Variants in SCN9A observed in about 807,000 individuals in gnomAD.
SCN9A encodes sodium voltage-gated channel alpha subunit 9.
SCN9A carries 131 observed loss-of-function variants against 187.0 expected under a neutral mutation model. That is an observed-to-expected ratio of 0.70 (90% CI 0.61 to 0.81). SCN9A has a LOEUF of 0.81. Ranked by LOEUF, SCN9A falls within the 30% of genes least tolerant of loss-of-function variation. The probability of loss-of-function intolerance (pLI) is 0.00; values close to 1 mark genes in which losing one functional copy is unlikely to be tolerated. For missense variants in SCN9A, 2,252 were observed against 2,396.6 expected, an observed-to-expected ratio of 0.94 and a Z score of 1.26; for synonymous variants, 809 against 808.6, an observed-to-expected ratio of 1.00 and a Z score of -0.01.
At chr2:166,346,752 C>T (rs1463505283) in intron 1 of SCN9A, among the ~76,000 whole-genome samples, 2 of 151,934 alleles carry the variant, frequency 1.3e-5, no homozygotes, top group African/African-American at 2.4e-5. Context: ...CTCTCTAAAG[C>T]GTGGGTTCAG....
chr2:166,210,312 G>C (rs1021919839), intron 24 of SCN9A, among the ~76,000 whole-genome samples: 1 of 151,940 alleles, frequency 6.6e-6, no homozygotes, highest in Non-Finnish European at 1.5e-5. Flanking sequence ...GTTGTGGGGT[G>C]GGGGGAGGAG....
intron 15 of SCN9A, 102 bp downstream of exon 15, chr2:166,278,038 T>G: frequency 1.2e-6 from 1 of 856,792 alleles, no homozygotes; most frequent in Non-Finnish European, 1.8e-6. Flanking sequence ...AGATATAATC[T>G]TGCCTTTTGA....
At chr2:166,231,247 T>A (rs1695070539) in intron 21 of SCN9A, among the ~76,000 whole-genome samples, 1 of 152,214 alleles carries the variant, frequency 6.6e-6, no homozygotes, top group Non-Finnish European at 1.5e-5. Flanking sequence ...TGAATTCTAA[T>A]ACCACCTTTC....
chr2:166,323,011 CT>C (rs1322323709), intron 1 of SCN9A, among the ~76,000 whole-genome samples: 1 of 152,132 alleles, frequency 6.6e-6, no homozygotes, highest in Non-Finnish European at 1.5e-5. Context: ...GCAGAATTTC[CT>C]TTCTTAAGAA....
chr2:166,289,987 T>A (rs188565820), intron 9 of SCN9A, among the ~76,000 whole-genome samples: 37 of 152,294 alleles, frequency 2.4e-4, no homozygotes, highest in African/African-American at 8.9e-4. Flanking sequence ...CTATGGTGGT[T>A]TGCTCCACCT....
Position 166,277,270 on chromosome 2 carries a change from C to G in SCN9A, c.2587G>C (p.Val863Leu), listed in dbSNP as rs913005992. The G allele has an allele frequency of 6.2e-7, 1 of 1,613,976 alleles. No homozygotes were observed. Residue 863 changes from valine to leucine, a missense_variant, in exon 16 of 27, where the codon GTA (valine) becomes CTA (leucine). By Grantham distance (32) the Val-to-Leu change is conservative. This residue lies in a region of SCN9A where 119 missense variants were observed against 188.7 expected (regional missense o/e 0.63). Coordinates refer to ENST00000642356, the MANE Select transcript of SCN9A (RefSeq NM_001365536.1). ...AAGGTGAGGTTACCTAGAGCCCCTA[C>G]TGAGTTACCAATGATCTTAATCAGC... ...NMLIKIIGNS[V>L]GALGNLTLVL...
chr2:166,363,673 G>A (rs535511711), intron 1 of SCN9A, among the ~76,000 whole-genome samples: 10 of 152,070 alleles, frequency 6.6e-5, no homozygotes, highest in Admixed American at 5.2e-4. Flanking sequence ...TAGAGTCTAC[G>A]AATTATATAG....
At chr2:166,253,267 A>G (rs1356887507) in intron 17 of SCN9A, among the ~76,000 whole-genome samples, 1 of 151,856 alleles carries the variant, frequency 6.6e-6, no homozygotes, top group East Asian at 1.9e-4. Context: ...ACTGGAGTAA[A>G]TAATTATGAA....
At chr2:166,347,056 T>C (rs1239140182) in intron 1 of SCN9A, among the ~76,000 whole-genome samples, 3 of 152,200 alleles carry the variant, frequency 2.0e-5, no homozygotes, top group African/African-American at 4.8e-5. Flanking sequence ...TGCTGACATC[T>C]GCCTTGTCCA....
chr2:166,314,170 G>A (rs1699048740), intron 1 of SCN9A, among the ~76,000 whole-genome samples: 2 of 152,156 alleles, frequency 1.3e-5, no homozygotes, highest in South Asian at 4.1e-4. Context: ...GCCAAAGTGT[G>A]ACACAGATGC....
At chr2:166,206,931 G>A (rs1375094384) in intron 24 of SCN9A, among the ~76,000 whole-genome samples, 2 of 151,944 alleles carry the variant, frequency 1.3e-5, no homozygotes, top group East Asian at 3.9e-4. Context: ...CCAAACTGAA[G>A]GACTTTCCAA....
intron 26 of SCN9A, among the ~76,000 whole-genome samples, chr2:166,200,313 A>G (rs527480367): frequency 1.1e-4 from 16 of 151,820 alleles, no homozygotes; most frequent in Admixed American, 9.2e-4. Flanking sequence ...GTTATTTTAT[A>G]CTGAATGCAA....
At chr2:166,217,134 G>A (rs934053707) in intron 24 of SCN9A, among the ~76,000 whole-genome samples, 2 of 152,082 alleles carry the variant, frequency 1.3e-5, no homozygotes, top group African/African-American at 2.4e-5. Flanking sequence ...TCAATAAATG[G>A]TGTTGGGAAA....
intron 1 of SCN9A, among the ~76,000 whole-genome samples, chr2:166,349,790 T>C (rs1699989640): frequency 6.6e-6 from 1 of 151,896 alleles, no homozygotes; most frequent in Non-Finnish European, 1.5e-5. Flanking sequence ...CTGACCAACA[T>C]GGAGAAACCC....
chr2:166,334,746 G>A (rs1236470477), intron 1 of SCN9A, among the ~76,000 whole-genome samples: 1 of 152,116 alleles, frequency 6.6e-6, no homozygotes, highest in Non-Finnish European at 1.5e-5. Context: ...TATTACGGCA[G>A]TAGATTTTGT....
chr2:166,325,681 C>T (rs1255680324), intron 1 of SCN9A, among the ~76,000 whole-genome samples: 1 of 151,984 alleles, frequency 6.6e-6, no homozygotes, highest in Non-Finnish European at 1.5e-5. Context: ...CTTAATGATG[C>T]CGTTAAGGTA....
rs1695591591 is a variant in SCN9A at position 166,242,128 on chromosome 2, GAGCA to G, written c.3627+370_3627+373del. ...ACTAGGGCCAATGAACTTTCTCAAAGAGCAATATATAACATTTTCCCATTTTAAT... is the reference window on the plus strand; with the variant it reads ...ACTAGGGCCAATGAACTTTCTCAAAGATATATAACATTTTCCCATTTTAAT... On this transcript the variant is annotated intron_variant, in intron 19 of 26. Coordinates refer to ENST00000642356, the MANE Select transcript of SCN9A (RefSeq NM_001365536.1). Among the ~76,000 whole-genome samples the G allele has an allele frequency of 2.0e-5, 3 of 152,126 alleles. No individual in the cohort carries two copies. The South Asian group carries it at 6.2e-4, about 31-fold the overall frequency.
chr2:166,211,937 A>G (rs1694114539), intron 24 of SCN9A, among the ~76,000 whole-genome samples: 1 of 152,344 alleles, frequency 6.6e-6, no homozygotes, highest in South Asian at 2.1e-4. Context: ...ATTATTTCAA[A>G]TACAAATGGA....
chr2:166,288,120 T>TATATACACAC (rs56738765), intron 10 of SCN9A, among the ~76,000 whole-genome samples: 19 of 135,562 alleles, frequency 1.4e-4, no homozygotes, highest in Admixed American at 2.2e-4. Context: ...TATATATATA[T>TATATACACAC]ACACACACAT....
Sources: gnomAD v4.1 joint callset for allele counts (sites outside exome capture counted in the v4.1 genomes callset) on GRCh38, gnomAD v4.1.1 for gene constraint, gnomAD v4.1.1 regional missense constraint, MANE v1.5 for transcripts, NCBI Gene and HGNC (gene_info 2026-07-23, HGNC 2026-07-21) for gene names.